The following ENPP6 variants were observed in gnomAD, a reference collection of about 807,000 sequenced individuals.
ENPP6 encodes glycerophosphocholine cholinephosphodiesterase ENPP6.
In ENPP6, 32 loss-of-function variants were observed where a neutral mutation model predicts 42.0. The ratio of observed to expected loss-of-function variants is 0.76; its 90% confidence interval spans 0.58 to 1.02. The LOEUF (loss-of-function observed/expected upper bound fraction) is 1.02. Among genes scored for constraint, ENPP6 ranks in the 50% least tolerant of loss-of-function variants. ENPP6 has a pLI of 0.00. For missense variants in ENPP6, 552 were observed against 566.8 expected (o/e 0.97, Z 0.27); for synonymous variants, 213 against 216.0 (o/e 0.99, Z 0.12).
chr4:184,096,056 A>G (rs1210106338), intron 7 of ENPP6, among the ~76,000 whole-genome samples: 1 of 152,178 alleles, frequency 6.6e-6, no homozygotes, highest in African/African-American at 2.4e-5. Context: ...ATTTGCTGCT[A>G]CTGCTTCTAA....
At chr4:184,113,246 C>A (rs1267354488) in intron 5 of ENPP6, among the ~76,000 whole-genome samples, 1 of 152,180 alleles carries the variant, frequency 6.6e-6, no homozygotes, top group Non-Finnish European at 1.5e-5. Context: ...GGGATCTCAG[C>A]TTTAGTGGGG....
chr4:184,103,902 T>C (rs1442767750), intron 6 of ENPP6, among the ~76,000 whole-genome samples: 1 of 152,084 alleles, frequency 6.6e-6, no homozygotes, highest in Admixed American at 6.6e-5. Context: ...ATCCTCGAAA[T>C]GGAAAATGCA....
intron 1 of ENPP6, among the ~76,000 whole-genome samples, chr4:184,192,686 T>C (rs73872806): frequency 0.038 from 5,796 of 152,268 alleles, 373 homozygotes; most frequent in African/African-American, 0.13. Context: ...GAAAAATACA[T>C]GCCAATCATA....
In ENPP6 at chr4:184,217,351, C is replaced by T. The variant is rs563794136; in HGVS notation, c.241+228G>A. On this transcript the variant is annotated intron_variant, in intron 1 of 7. Coordinates refer to ENST00000296741, the MANE Select transcript of ENPP6 (RefSeq NM_153343.4). Reference sequence around the variant, plus strand: ...TGTACTGCTATAGTTCTCTGTCCTCCGCACTGAGAATCCAAAACAGGTCCT... The same window carrying T: ...TGTACTGCTATAGTTCTCTGTCCTCTGCACTGAGAATCCAAAACAGGTCCT... 7.8e-4 allele frequency among the ~76,000 whole-genome samples: 119 copies of T among 152,316 alleles called. 3 individuals are homozygous for T. The South Asian group carries it at 0.023, about 29-fold the overall frequency.
At chr4:184,112,629 AG>A (rs1476956812) in intron 6 of ENPP6, 42 bp downstream of exon 6, 1 of 1,588,794 alleles carries the variant, frequency 6.3e-7, no homozygotes, top group Admixed American at 1.8e-5. Context: ...ACTGTTTTAT[AG>A]AATTTGCATA....
At chr4:184,160,734 C>T (rs1210633868) in intron 1 of ENPP6, among the ~76,000 whole-genome samples, 1 of 152,102 alleles carries the variant, frequency 6.6e-6, no homozygotes, top group Non-Finnish European at 1.5e-5. Context: ...ATGACTGGTT[C>T]CAATCCTACT....
intron 2 of ENPP6, among the ~76,000 whole-genome samples, chr4:184,150,460 A>C (rs559728889): frequency 3.3e-5 from 5 of 152,170 alleles, no homozygotes; most frequent in Non-Finnish European, 7.3e-5. Context: ...GGATTTAAGA[A>C]GAAAAATACA....
At chr4:184,206,343 C>T (rs558860151) in intron 1 of ENPP6, among the ~76,000 whole-genome samples, 11 of 116,090 alleles carry the variant, frequency 9.5e-5, no homozygotes, top group Admixed American at 2.0e-4. Flanking sequence ...CTGCAAGCTC[C>T]GCCTCCCGGG....
At chr4:184,205,441 G>A (rs9654301) in intron 1 of ENPP6, among the ~76,000 whole-genome samples, 32,162 of 152,238 alleles carry the variant, frequency 0.21, 4,263 homozygotes, top group East Asian at 0.74. Context: ...GCAGCCAGGA[G>A]GAGCAGCGTG....
At chr4:184,207,943 G>T (rs576311774) in intron 1 of ENPP6, among the ~76,000 whole-genome samples, 1 of 152,134 alleles carries the variant, frequency 6.6e-6, no homozygotes, top group Non-Finnish European at 1.5e-5. Context: ...CTGCACGTGC[G>T]CATGCCTGTG....
chr4:184,109,232 ACAAAAAAAAAC>A (rs1736158819), intron 6 of ENPP6, among the ~76,000 whole-genome samples: 1 of 142,854 alleles, frequency 7.0e-6, no homozygotes, highest in Admixed American at 6.7e-5. Flanking sequence ...AACAACAACA[ACAAAAAAAAAC>A]AAAACAAACA....
chr4:184,136,910 T>C (rs1336803094), intron 2 of ENPP6, among the ~76,000 whole-genome samples: 2 of 152,192 alleles, frequency 1.3e-5, no homozygotes, highest in Non-Finnish European at 2.9e-5. Flanking sequence ...TGCCCCATTT[T>C]CCCTCTCCTG....
intron 2 of ENPP6, among the ~76,000 whole-genome samples, chr4:184,149,211 C>T (rs542173016): frequency 6.6e-6 from 1 of 152,322 alleles, no homozygotes; most frequent in East Asian, 1.9e-4. Flanking sequence ...CAGGTTTACT[C>T]ACGCCTCTGT....
intron 2 of ENPP6, among the ~76,000 whole-genome samples, chr4:184,149,591 C>T (rs976579007): frequency 1.3e-5 from 2 of 152,200 alleles, no homozygotes; most frequent in Admixed American, 6.5e-5. Flanking sequence ...GACCCACACC[C>T]AACACCATTC....
At chr4:184,130,724 AAG>A (rs1204847645) in intron 2 of ENPP6, among the ~76,000 whole-genome samples, 6 of 16,220 alleles carry the variant, frequency 3.7e-4, no homozygotes, top group African/African-American at 6.4e-4. Context: ...CCTAACTGAC[AAG>A]AGAGAGAGAG....
At chr4:184,101,482 C>A (rs895246426) in intron 6 of ENPP6, among the ~76,000 whole-genome samples, 13 of 151,896 alleles carry the variant, frequency 8.6e-5, no homozygotes, top group African/African-American at 2.7e-4. Context: ...AGCGGAGGAG[C>A]CCTTGAATGA....
intron 7 of ENPP6, among the ~76,000 whole-genome samples, chr4:184,096,751 C>T (rs1047103488): frequency 3.9e-5 from 6 of 152,166 alleles, no homozygotes; most frequent in African/African-American, 9.6e-5. Context: ...AGGTCATTTC[C>T]GCGAGTGCCC....
intron 1 of ENPP6, among the ~76,000 whole-genome samples, chr4:184,163,644 G>C (rs151275721): frequency 1.8e-3 from 277 of 152,326 alleles, no homozygotes; most frequent in African/African-American, 6.3e-3. Flanking sequence ...TTCTACAGCT[G>C]ATGAGGAATT....
intron 1 of ENPP6, among the ~76,000 whole-genome samples, chr4:184,201,375 A>G (rs2111115639): frequency 6.6e-6 from 1 of 152,268 alleles, no homozygotes; most frequent in South Asian, 2.1e-4. Context: ...CAGGAGGCAC[A>G]TGATCCTATC....
Sources: gnomAD v4.1 joint callset for allele counts (sites outside exome capture counted in the v4.1 genomes callset) on GRCh38, gnomAD v4.1.1 for gene constraint, MANE v1.5 for transcripts, NCBI Gene and HGNC (gene_info 2026-07-23, HGNC 2026-07-21) for gene names.